Variants in NKAIN2 observed in about 807,000 individuals in gnomAD.
NKAIN2 encodes sodium/potassium-transporting ATPase subunit beta-1-interacting protein 2.
A neutral mutation model predicts 32.6 loss-of-function variants in NKAIN2; 14 were observed. The observed-to-expected ratio is 0.43, with a 90% CI of 0.28 to 0.67. The LOEUF (loss-of-function observed/expected upper bound fraction) is 0.67, where lower values mean the gene tolerates loss of function less well. NKAIN2 is among the 30% of genes least tolerant of loss of function. The probability of loss-of-function intolerance (pLI) is 0.17; values close to 1 mark genes in which losing one functional copy is unlikely to be tolerated. For missense variants in NKAIN2, 198 were observed against 258.3 expected (o/e 0.77, Z 1.60); for synonymous variants, 80 against 87.2 (o/e 0.92, Z 0.46).
intron 1 of NKAIN2, among the ~76,000 whole-genome samples, chr6:123,890,698 A>G (rs1773966812): frequency 6.6e-6 from 1 of 152,140 alleles, no homozygotes; most frequent in Non-Finnish European, 1.5e-5. Context: ...GTGGGCTAGC[A>G]TGGGGAGAAA....
chr6:124,090,948 T>C (rs1784390956), intron 1 of NKAIN2, among the ~76,000 whole-genome samples: 1 of 151,988 alleles, frequency 6.6e-6, no homozygotes, highest in African/African-American at 2.4e-5. Flanking sequence ...TGAACCATTC[T>C]ATTATCAGAT....
intron 1 of NKAIN2, among the ~76,000 whole-genome samples, chr6:123,890,171 A>G (rs1308462715): frequency 1.3e-5 from 2 of 152,124 alleles, no homozygotes; most frequent in Non-Finnish European, 2.9e-5. Context: ...CTGGTGGAGT[A>G]GACTCCTTGG....
At chr6:124,621,177 C>T (rs1473903634) in intron 3 of NKAIN2, among the ~76,000 whole-genome samples, 2 of 152,140 alleles carry the variant, frequency 1.3e-5, no homozygotes, top group Non-Finnish European at 2.9e-5. Context: ...GTAATTCTAA[C>T]ATGTATCCAA....
chr6:124,175,209 C>A (rs535856004), intron 1 of NKAIN2, among the ~76,000 whole-genome samples: 1 of 152,060 alleles, frequency 6.6e-6, no homozygotes, highest in South Asian at 2.1e-4. Context: ...GCATAGACAG[C>A]GTGAAGTGCT....
intron 3 of NKAIN2, among the ~76,000 whole-genome samples, chr6:124,408,414 T>G (rs1269130200): frequency 6.6e-6 from 1 of 152,228 alleles, no homozygotes; most frequent in Non-Finnish European, 1.5e-5. Context: ...TTTCTACACA[T>G]GACTAGCCAG....
chr6:124,336,093 A>G (rs1797847785), intron 2 of NKAIN2, among the ~76,000 whole-genome samples: 1 of 152,236 alleles, frequency 6.6e-6, no homozygotes, highest in South Asian at 2.1e-4. Context: ...TTTACATATT[A>G]AAGAAAAGCA....
chr6:124,357,361 A>G (rs1799033637), intron 3 of NKAIN2, among the ~76,000 whole-genome samples: 1 of 152,188 alleles, frequency 6.6e-6, no homozygotes, highest in African/African-American at 2.4e-5. Flanking sequence ...TTAATTCTTT[A>G]GTCGTTGCAA....
At chr6:124,718,748 A>T (rs1775877412) in intron 4 of NKAIN2, among the ~76,000 whole-genome samples, 1 of 151,244 alleles carries the variant, frequency 6.6e-6, no homozygotes, top group Admixed American at 6.6e-5. Context: ...GCTGGCAGAA[A>T]GTTAAGTGCT....
intron 1 of NKAIN2, among the ~76,000 whole-genome samples, chr6:123,976,384 T>TATATATATTCCC (rs1778626652): frequency 4.2e-5 from 2 of 47,298 alleles, no homozygotes; most frequent in African/African-American, 1.8e-4. Flanking sequence ...TATATATATA[T>TATATATATTCCC]ATATATATAT....
chr6:124,044,078 T>G (rs1255471780), intron 1 of NKAIN2, among the ~76,000 whole-genome samples: 1 of 152,022 alleles, frequency 6.6e-6, no homozygotes, highest in Non-Finnish European at 1.5e-5. Flanking sequence ...CTGCTTTAGA[T>G]CCTTTTTCAG....
chr6:124,474,833 C>CATATATAATATATACATATGTATTTTAT (rs1562207570), intron 3 of NKAIN2, among the ~76,000 whole-genome samples: 4 of 100,750 alleles, frequency 4.0e-5, no homozygotes, highest in East Asian at 5.2e-4. Context: ...ATATATTTTA[C>CATATATAATATATACATATGTATTTTAT]ATACATATAT....
intron 1 of NKAIN2, among the ~76,000 whole-genome samples, chr6:124,098,981 A>T (rs185971207): frequency 8.0e-4 from 122 of 152,240 alleles, no homozygotes; most frequent in Middle Eastern, 3.4e-3. Flanking sequence ...AAAATAAGAG[A>T]TAAAGTTAGG....
At chr6:124,589,932 G>C (rs184014112) in intron 3 of NKAIN2, among the ~76,000 whole-genome samples, 70 of 152,068 alleles carry the variant, frequency 4.6e-4, no homozygotes, top group Non-Finnish European at 5.9e-5. Context: ...GCAGTGTTTG[G>C]TTTTCTGTTC....
At chr6:124,215,668 A>G (rs1791433879) in intron 1 of NKAIN2, among the ~76,000 whole-genome samples, 1 of 152,180 alleles carries the variant, frequency 6.6e-6, no homozygotes, top group Admixed American at 6.5e-5. Flanking sequence ...CTGTCATAAG[A>G]GTAAGAGTGT....
intron 3 of NKAIN2, among the ~76,000 whole-genome samples, chr6:124,459,171 C>G (rs1183673038): frequency 6.6e-6 from 1 of 151,012 alleles, no homozygotes; most frequent in African/African-American, 2.5e-5. Context: ...GAGGAGGAGT[C>G]CCCAAAGACA....
intron 1 of NKAIN2, among the ~76,000 whole-genome samples, chr6:124,118,567 T>C (rs1785729461): frequency 6.6e-6 from 1 of 152,120 alleles, no homozygotes; most frequent in African/African-American, 2.4e-5. Context: ...AATGATACCC[T>C]CTCCAGTGAG....
chr6:123,804,650 A>G (rs1339107056), intron 1 of NKAIN2, among the ~76,000 whole-genome samples: 1 of 152,154 alleles, frequency 6.6e-6, no homozygotes. Context: ...TCTCTATACT[A>G]ATTTTGCAGT....
At chr6:124,635,043 G>A (rs1783720086) in intron 3 of NKAIN2, among the ~76,000 whole-genome samples, 1 of 150,340 alleles carries the variant, frequency 6.7e-6, no homozygotes, top group Non-Finnish European at 1.5e-5. Context: ...GAAGAGGAAG[G>A]AAGGAAGGAA....
chr6:124,679,750 TA>T (rs1353112909), intron 4 of NKAIN2, among the ~76,000 whole-genome samples: 1 of 152,344 alleles, frequency 6.6e-6, no homozygotes, highest in East Asian at 1.9e-4. Context: ...TAAAAGTCTC[TA>T]TTTTTTTCAC....
Sources: gnomAD v4.1 joint callset for allele counts (sites outside exome capture counted in the v4.1 genomes callset) on GRCh38, gnomAD v4.1.1 for gene constraint, MANE v1.5 for transcripts, NCBI Gene and HGNC (gene_info 2026-07-23, HGNC 2026-07-21) for gene names.